DRGX: variants seen among roughly 807,000 people sequenced by gnomAD.
DRGX encodes the protein dorsal root ganglia homeobox.
A neutral mutation model predicts 28.6 loss-of-function variants in DRGX; 21 were observed. The ratio of observed to expected loss-of-function variants is 0.73; its 90% CI spans 0.52 to 1.06. The LOEUF (loss-of-function observed/expected upper bound fraction) is 1.06. Among genes scored for constraint, DRGX ranks in the 50% least tolerant of loss-of-function variants. The pLI is 0.00. For synonymous variants in DRGX, 136 were observed against 139.1 expected, an observed-to-expected ratio of 0.98 and a Z score of 0.16; for missense variants, 354 against 343.9, an observed-to-expected ratio of 1.03 and a Z score of -0.23.
chr10:49,376,769 C>G (rs534383847), intron 6 of DRGX, among the ~76,000 whole-genome samples: 1 of 152,298 alleles, frequency 6.6e-6, no homozygotes, highest in East Asian at 1.9e-4. Flanking sequence ...TCATGTTTCT[C>G]TCTGCCTGGG....
intron 6 of DRGX, among the ~76,000 whole-genome samples, chr10:49,378,705 A>G (rs192154440): frequency 1.6e-4 from 24 of 152,372 alleles, no homozygotes; most frequent in Non-Finnish European, 2.6e-4. Context: ...AGCTTGGAAA[A>G]GAATAGACAA....
At chr10:49,379,036 G>T (rs903640213) in intron 6 of DRGX, among the ~76,000 whole-genome samples, 1 of 152,174 alleles carries the variant, frequency 6.6e-6, no homozygotes, top group Non-Finnish European at 1.5e-5. Context: ...CAAATAAAAT[G>T]CTCATTGGAG....
intron 1 of DRGX, 138 bp from the exon 2 acceptor site, chr10:49,395,659 C>A (rs1330750016): frequency 2.3e-5 from 14 of 620,940 alleles, no homozygotes; most frequent in Admixed American, 5.4e-5. Context: ...GGAGGGAAGG[C>A]GGCAGCCCCG....
intron 5 of DRGX, 33 bp from the exon 6 acceptor site, chr10:49,386,623 GC>G: frequency 6.3e-7 from 1 of 1,591,956 alleles, no homozygotes. Flanking sequence ...TTGAGGTCTC[GC>G]CCTGTGTCTG....
At chr10:49,376,485 C>T (rs1012067764) in intron 6 of DRGX, among the ~76,000 whole-genome samples, 2 of 152,182 alleles carry the variant, frequency 1.3e-5, no homozygotes, top group African/African-American at 4.8e-5. Flanking sequence ...CTGGGAGACT[C>T]TCCCATGGGA....
Position 49,389,285 on chromosome 10 carries a change from G to A in DRGX, c.234+848C>T, listed in dbSNP as rs79763848. Reference sequence around the variant, plus strand: ...TCTCTTCAGCCATTGGTTTTTAAGAGATACTAACATGACCCAGGGGAACCG... The same window carrying A: ...TCTCTTCAGCCATTGGTTTTTAAGAAATACTAACATGACCCAGGGGAACCG... On this transcript the variant is annotated intron_variant, in intron 4 of 6. Transcript: ENST00000374139. Among the ~76,000 whole-genome samples the A allele has an allele frequency of 1.4e-4, 22 of 152,216 alleles. No homozygotes were observed. The East Asian group carries it at 4.2e-3, about 29-fold the overall frequency.
chr10:49,365,975 G>A lies in DRGX; in HGVS notation c.*141C>T. The A allele has an allele frequency of 9.9e-7, 1 of 1,006,782 alleles. No individual in the cohort carries two copies. The highest frequency in any genetic ancestry group is 1.4e-6 in the Non-Finnish European group (1 of 738,214). The allele number at this position is 1,006,782 out of a possible 1,614,324, so 62.4% of individuals were successfully genotyped here. On this transcript the variant is annotated 3_prime_UTR_variant, in exon 7 of 7. Transcript: ENST00000374139. Reference sequence around the variant, plus strand: ...GCTCCAGGTGCCAAGGGAGCTGTGGGTCTCACTTGCCCGTCCTGGGTCCAT... The same window carrying A: ...GCTCCAGGTGCCAAGGGAGCTGTGGATCTCACTTGCCCGTCCTGGGTCCAT...
Position 49,386,532 on chromosome 10 carries a change from G to T in DRGX, c.472C>A (p.Leu158Ile). 6.3e-7 allele frequency: 1 copy of T among 1,589,994 alleles called. No individual in the cohort carries two copies. Among genetic ancestry groups the T allele is most frequent in the Non-Finnish European group, 8.6e-7 (1 of 1,168,288 alleles). The change falls in exon 6 of 7, where the codon CTC becomes ATC. Residue 158 changes from leucine to isoleucine, a missense_variant. Transcript: ENST00000374139. ...TGGGCGTAGGTGGCCGTGTTCAGGA[G>T]AGTCCCCGGCAAGCAGGAGGGGAAG... ...PFFPSCLPGT[L>I]LNTATYAQAL...
At chr10:49,389,088 T>C (rs1413664214) in intron 4 of DRGX, among the ~76,000 whole-genome samples, 1 of 152,168 alleles carries the variant, frequency 6.6e-6, no homozygotes, top group African/African-American at 2.4e-5. Context: ...AAAGAAAGGA[T>C]AGACGGTATC....
chr10:49,379,862 T>G (rs1457366743), intron 6 of DRGX, among the ~76,000 whole-genome samples: 1 of 152,212 alleles, frequency 6.6e-6, no homozygotes, highest in Admixed American at 6.5e-5. Flanking sequence ...GTCCAAGGCC[T>G]CTGCGGGGAA....
At chr10:49,377,249 G>A (rs1238429066) in intron 6 of DRGX, among the ~76,000 whole-genome samples, 1 of 152,214 alleles carries the variant, frequency 6.6e-6, no homozygotes, top group Non-Finnish European at 1.5e-5. Flanking sequence ...TCTGTGCTGG[G>A]GCAGAGGTAG....
rs1340780065 is a variant in DRGX, at chr10:49,391,242, A to G, written c.54T>C (p.Asn18=). The G allele has an allele frequency of 6.2e-7, 1 of 1,611,250 alleles. No homozygotes were observed. The highest frequency in any genetic ancestry group is 1.3e-5 in the African/African-American group (1 of 74,858). The change falls in exon 3 of 7, where the codon AAT becomes AAC. Residue 18 remains asparagine (N), a synonymous_variant. Transcript: ENST00000374139. ...PQLEGTATFG[N]HSSGDFDDGF... ...CGTCATCAAAATCCCCCGAAGAGTGATTGCCAAAGGTTGCAGTGCCTACCA... is the reference window on the plus strand; with the variant it reads ...CGTCATCAAAATCCCCCGAAGAGTGGTTGCCAAAGGTTGCAGTGCCTACCA...
chr10:49,376,923 G>A (rs1041194197), intron 6 of DRGX, among the ~76,000 whole-genome samples: 1 of 152,178 alleles, frequency 6.6e-6, no homozygotes, highest in Admixed American at 6.5e-5. Context: ...ACCTGAACTA[G>A]GATTCTTGGT....
rs770302415 is a variant in DRGX at position 49,366,300 on chromosome 10, G to T, written c.608C>A (p.Thr203Lys). Residue 203 changes from threonine to lysine, a missense_variant, in exon 7 of 7, where the codon ACG becomes AAG. By Grantham distance (78) the Thr-to-Lys change is moderately conservative (BLOSUM62 -1). Coordinates refer to ENST00000374139, the MANE Select transcript of DRGX (RefSeq NM_001276451.2). Reference protein sequence around the residue: ...LPTYGCQSNRTASVATLRMKA... With the variant: ...LPTYGCQSNRKASVATLRMKA... Reference sequence around the variant, plus strand: ...CATGCGCAGGGTGGCCACGCTGGCCGTGCGGTTACTCTGGCAGCCATAGGT... The same window carrying T: ...CATGCGCAGGGTGGCCACGCTGGCCTTGCGGTTACTCTGGCAGCCATAGGT... The T allele has an allele frequency of 1.2e-6, 2 of 1,613,926 alleles. No individual in the cohort carries two copies. The highest frequency in any genetic ancestry group is 2.2e-5 in the East Asian group (1 of 44,870).
chr10:49,380,155 A>T (rs368099629), intron 6 of DRGX, among the ~76,000 whole-genome samples: 2 of 152,212 alleles, frequency 1.3e-5, no homozygotes, highest in African/African-American at 4.8e-5. Flanking sequence ...TGTCCTGCCC[A>T]GTGCAGGGGG....
intron 5 of DRGX, 21 bp from the exon 6 acceptor site, chr10:49,386,611 T>C: frequency 6.3e-7 from 1 of 1,595,172 alleles, no homozygotes; most frequent in Non-Finnish European, 8.5e-7. Flanking sequence ...AAGGAGATCA[T>C]ATTGAGGTCT....
chr10:49,392,363 C>A (rs1292204926), intron 2 of DRGX, among the ~76,000 whole-genome samples: 2 of 152,206 alleles, frequency 1.3e-5, no homozygotes, highest in African/African-American at 4.8e-5. Flanking sequence ...CCATCCAGGG[C>A]CACATCCTTT....
chr10:49,384,163 C>G (rs1487715142), intron 6 of DRGX, among the ~76,000 whole-genome samples: 2 of 152,206 alleles, frequency 1.3e-5, no homozygotes, highest in Non-Finnish European at 2.9e-5. Flanking sequence ...AGGCCTCTCT[C>G]AGAAGTGGGA....
At chr10:49,382,603 A>G (rs1849788691) in intron 6 of DRGX, among the ~76,000 whole-genome samples, 1 of 152,146 alleles carries the variant, frequency 6.6e-6, no homozygotes, top group Non-Finnish European at 1.5e-5. Flanking sequence ...GCCTGGGGAA[A>G]CCTAAGAGAA....
Sources: allele counts gnomAD v4.1 joint callset (sites outside exome capture counted in the v4.1 genomes callset), GRCh38; gene constraint gnomAD v4.1.1; transcripts MANE v1.5; gene names NCBI Gene and HGNC (gene_info 2026-07-23, HGNC 2026-07-21).